UNC13B: variants seen among roughly 807,000 people sequenced by gnomAD.
UNC13B encodes the protein unc-13 homolog B, also known as protein unc-13 homolog B.
A neutral mutation model predicts 211.0 loss-of-function variants in UNC13B; 144 were observed. The ratio of observed to expected loss-of-function variants is 0.68; its 90% CI spans 0.60 to 0.78. The LOEUF is 0.78. Among genes scored for constraint, UNC13B ranks in the 30% least tolerant of loss-of-function variants. UNC13B has a pLI of 0.00. For synonymous variants in UNC13B, 709 were observed against 725.8 expected (o/e 0.98, Z 0.37); for missense variants, 1,777 against 2,002.0 (o/e 0.89, Z 2.14).
At chr9:35,247,940 T>A (rs537962676) in intron 6 of UNC13B, among the ~76,000 whole-genome samples, 1 of 152,264 alleles carries the variant, frequency 6.6e-6, no homozygotes, top group South Asian at 2.1e-4. Context: ...TACCAGCTCC[T>A]CCTTGTACCT....
chr9:35,301,062 A>G lies in UNC13B; in HGVS notation c.1658A>G (p.His553Arg), dbSNP rs144735124. The stretch of plus-strand genomic sequence containing the variant: ...GAAAAAGTGGGTTCAGGCACAAAGC[A>G]TCTAACAAACTCTGTGGAAAAGTTG... ...LTEKVGSGTK[H>R]LTNSVEKLVS... Residue 553 changes from histidine (H) to arginine (R), a missense_variant, in exon 9 of 40, where the codon CAT becomes CGT. Physicochemically the swap from His to Arg is conservative, Grantham distance 29 (BLOSUM62 0). Transcript: ENST00000635942. 2.0e-3 allele frequency: 807 copies of G among 398,962 alleles called. 3 individuals carry two copies. The highest frequency in any genetic ancestry group is 4.4e-3 in the Middle Eastern group (7 of 1,588). 24.7% of individuals were successfully genotyped at this position (398,962 alleles called of 1,614,324 possible).
At chr9:35,251,670 T>A (rs10972404) in intron 6 of UNC13B, among the ~76,000 whole-genome samples, 29,803 of 151,078 alleles carry the variant, frequency 0.2, 3,127 homozygotes, top group Non-Finnish European at 0.24. Flanking sequence ...TACTTTTTTT[T>A]AAAAAAAAAC....
chr9:35,194,879 AAG>A (rs1270815410), intron 1 of UNC13B, among the ~76,000 whole-genome samples: 1 of 152,194 alleles, frequency 6.6e-6, no homozygotes, highest in African/African-American at 2.4e-5. Context: ...AGGCAAGAGA[AAG>A]AGAAACAAAA....
rs886510947 is a variant in UNC13B, at chr9:35,302,408, A to T, written c.3004A>T (p.Ser1002Cys). The T allele has an allele frequency of 2.5e-6, 1 of 398,686 alleles. No individual in the cohort carries two copies. Among genetic ancestry groups the T allele is most frequent in the Non-Finnish European group, 4.4e-6 (1 of 225,794 alleles). The allele number at this position is 398,686 out of a possible 1,614,324, so 24.7% of individuals were successfully genotyped here. Residue 1002 changes from serine (S) to cysteine (C), a missense_variant, in exon 9 of 40, where the codon AGT becomes TGT. Physicochemically the swap from Ser to Cys is moderately radical, Grantham distance 112 (BLOSUM62 -1). Coordinates refer to ENST00000635942, the MANE Select transcript of UNC13B (RefSeq NM_001371189.2). The part of the protein sequence containing the change: ...QVNCPEDAKL[S>C]SIKSGSAPNT... ...AAATTGTCCTGAAGATGCCAAACTT[A>T]GTTCAATAAAATCTGGTTCAGCTCC...
intron 1 of UNC13B, among the ~76,000 whole-genome samples, chr9:35,205,973 C>G (rs1408148383): frequency 2.0e-5 from 3 of 151,910 alleles, no homozygotes; most frequent in Non-Finnish European, 4.4e-5. Context: ...TGCTTGAGCC[C>G]AGGAGTTTGA....
chr9:35,292,886 C>T (rs969927646), intron 7 of UNC13B, among the ~76,000 whole-genome samples: 6 of 152,212 alleles, frequency 3.9e-5, no homozygotes, highest in Admixed American at 2.6e-4. Context: ...GGGCTTTTCT[C>T]GTCTAGCCGA....
At chr9:35,231,320 T>A in intron 3 of UNC13B, 101 bp downstream of exon 3, 1 of 791,542 alleles carries the variant, frequency 1.3e-6, no homozygotes, top group Admixed American at 2.3e-5. Context: ...TTTTTGAGAT[T>A]TATAAAATGT....
chr9:35,381,699 G>T lies in UNC13B; in HGVS notation c.10635G>T (p.Glu3545Asp). Residue 3545 changes from glutamate (E) to aspartate (D), a missense_variant, in exon 20 of 40, where the codon GAG becomes GAT. Coordinates refer to ENST00000635942, the MANE Select transcript of UNC13B (RefSeq NM_001371189.2). ...VDEFAMRYGI[E>D]SIYQAMTHFA... Reference sequence around the variant, plus strand: ...AATTTGCCATGCGTTATGGCATTGAGTCCATATATCAGGCCATGACGTGAG... The same window carrying T: ...AATTTGCCATGCGTTATGGCATTGATTCCATATATCAGGCCATGACGTGAG... 6.2e-7 allele frequency: 1 copy of T among 1,614,174 alleles called. No individual in the cohort carries two copies. Among genetic ancestry groups the T allele is most frequent in the Non-Finnish European group, 8.5e-7 (1 of 1,180,014 alleles).
Position 35,390,920 on chromosome 9 carries a change from G to T in UNC13B, c.11308+206G>T, listed in dbSNP as rs201183446. Reference sequence around the variant, plus strand: ...AAAGGACATATGAAAATGGCTGTGTGGATGTAGCTTCCTCCTTCCAGCTTT... The same window carrying T: ...AAAGGACATATGAAAATGGCTGTGTTGATGTAGCTTCCTCCTTCCAGCTTT... On this transcript the variant is annotated intron_variant, in intron 26 of 39. Coordinates refer to ENST00000635942, the MANE Select transcript of UNC13B (RefSeq NM_001371189.2). Among the ~76,000 whole-genome samples, 32 of 152,322 alleles carry T rather than the reference G, an allele frequency of 2.1e-4. No individual in the cohort carries two copies. The East Asian group carries it at 4.8e-3, about 23-fold the overall frequency.
At chr9:35,326,102 G>A (rs1366941180) in intron 11 of UNC13B, among the ~76,000 whole-genome samples, 2 of 152,100 alleles carry the variant, frequency 1.3e-5, no homozygotes, top group Non-Finnish European at 2.9e-5. Flanking sequence ...CAGTGTATGA[G>A]GGTTTCATTT....
chr9:35,398,481 A>G, intron 31 of UNC13B, 73 bp from the exon 32 acceptor site: 2 of 1,473,078 alleles, frequency 1.4e-6, no homozygotes, highest in Non-Finnish European at 1.9e-6. Flanking sequence ...CCTGCAAGGA[A>G]GTAGTAGGGG....
At chr9:35,259,450 G>A (rs1467346316) in intron 7 of UNC13B, among the ~76,000 whole-genome samples, 1 of 151,942 alleles carries the variant, frequency 6.6e-6, no homozygotes, top group African/African-American at 2.4e-5. Context: ...CCATTTTACT[G>A]TGTGCACATC....
At chr9:35,177,782 GACAGCCATGTGT>G (rs1396939592) in intron 1 of UNC13B, among the ~76,000 whole-genome samples, 3 of 152,186 alleles carry the variant, frequency 2.0e-5, no homozygotes, top group African/African-American at 7.2e-5. Context: ...AAGAAAGGGT[GACAGCCATGTGT>G]ACAGCTAAGC....
At chr9:35,381,761 T>C in intron 20 of UNC13B, 42 bp downstream of exon 20, 1 of 1,601,034 alleles carries the variant, frequency 6.2e-7, no homozygotes, top group Non-Finnish European at 8.5e-7. Context: ...TACTAATCAC[T>C]GGGGTGGCTA....
chr9:35,319,371 C>G (rs1447053858), intron 11 of UNC13B, among the ~76,000 whole-genome samples: 1 of 128,604 alleles, frequency 7.8e-6, no homozygotes, highest in African/African-American at 3.0e-5. Context: ...CCACTGCACT[C>G]CAACCTAGGT....
chr9:35,362,892 A>G (rs998216229), intron 11 of UNC13B, among the ~76,000 whole-genome samples: 1 of 152,116 alleles, frequency 6.6e-6, no homozygotes, highest in African/African-American at 2.4e-5. Flanking sequence ...TTAAATACCA[A>G]TGAGAAGGAT....
chr9:35,313,906 G>A lies in UNC13B; in HGVS notation c.9331G>A (p.Glu3111Lys). The change falls in exon 11 of 40, where the codon GAG becomes AAG. Residue 3111 changes from glutamate to lysine, a missense_variant. Physicochemically the swap from Glu to Lys is moderately conservative, Grantham distance 56. Coordinates refer to ENST00000635942, the MANE Select transcript of UNC13B (RefSeq NM_001371189.2). ...CTTTTTCTCTGTTACAAGTTTTCCT[G>A]AGGAGAATGCATCTTCACCATTTAC... ...HFLGPQESFP[E>K]ENASSPFTQA... 6.2e-7 allele frequency: 1 copy of A among 1,613,388 alleles called. No homozygotes were observed. The highest frequency in any genetic ancestry group is 1.7e-4 in the Middle Eastern group (1 of 6,056).
Position 35,398,191 on chromosome 9 carries a change from A to G in UNC13B, c.11755-20A>G. The stretch of plus-strand genomic sequence containing the variant: ...ATGCTGAAAGGAGCCAAGACTCAAC[A>G]GCTACATCTGTCCCCAAAGCCCTGC... On this transcript the variant is annotated intron_variant, in intron 30 of 39. Coordinates refer to ENST00000635942, the MANE Select transcript of UNC13B (RefSeq NM_001371189.2). 1 of 1,609,256 alleles carries G rather than the reference A, an allele frequency of 6.2e-7. No homozygotes were observed. Among genetic ancestry groups the G allele is most frequent in the South Asian group, 1.1e-5 (1 of 90,372 alleles).
chr9:35,298,842 A>G (rs1427400857), intron 8 of UNC13B, among the ~76,000 whole-genome samples: 1 of 152,246 alleles, frequency 6.6e-6, no homozygotes, highest in African/African-American at 2.4e-5. Context: ...TAAGGTGGGC[A>G]TGTAGCTTCT....
Sources: allele counts gnomAD v4.1 joint callset (sites outside exome capture counted in the v4.1 genomes callset), GRCh38; gene constraint gnomAD v4.1.1; transcripts MANE v1.5; gene names NCBI Gene and HGNC (gene_info 2026-07-23, HGNC 2026-07-21).